The following FIGNL2 variants were observed in gnomAD, a reference collection of about 807,000 sequenced individuals.
FIGNL2 encodes the protein fidgetin like 2.
For missense variants in FIGNL2, 1,060 were observed against 950.2 expected (o/e 1.12, Z -1.52); for synonymous variants, 565 against 484.0 (o/e 1.17, Z -2.20).
At chr12:51,826,850 C>G (rs1196905078) in intron 1 of FIGNL2, among the ~76,000 whole-genome samples, 1 of 152,174 alleles carries the variant, frequency 6.6e-6, no homozygotes, top group Admixed American at 6.5e-5. Flanking sequence ...CACACAGGCC[C>G]AGAACGATGT....
chr12:51,846,153 T>C (rs1161274912), intron 1 of FIGNL2, among the ~76,000 whole-genome samples: 1 of 152,168 alleles, frequency 6.6e-6, no homozygotes, highest in Non-Finnish European at 1.5e-5. Flanking sequence ...TCAAGCCCTG[T>C]GGCAAGCCCA....
chr12:51,821,745 T>C lies in FIGNL2; in HGVS notation c.669A>G (p.Pro223=). 1.5e-6 allele frequency: 1 copy of C among 685,106 alleles called. No individual in the cohort carries two copies. Among genetic ancestry groups the C allele is most frequent in the Non-Finnish European group, 1.9e-6 (1 of 528,122 alleles). 42.4% of individuals were successfully genotyped at this position (685,106 alleles called of 1,614,324 possible). A position where few individuals can be genotyped will look rare whatever the true frequency, so the allele number is the denominator to read the frequency against. The change falls in exon 2 of 2, where the codon CCA becomes CCG. Residue 223 remains proline, a synonymous_variant. Coordinates refer to ENST00000618634, the MANE Select transcript of FIGNL2 (RefSeq NM_001384995.1). ...TCAGGTAGGGGGCCGGGGGTGGGCC[T>C]GGGGGCGGCGGGAGCGCGCCATAGC... ...QPGYGALPPP[P]GPPPAPYLTP... is the part of the protein sequence containing the mutation.
intron 1 of FIGNL2, among the ~76,000 whole-genome samples, chr12:51,825,442 G>A (rs975577028): frequency 2.5e-4 from 38 of 152,036 alleles, no homozygotes; most frequent in African/African-American, 8.5e-4. Context: ...ACCCGCCAAC[G>A]AAGATCCTCT....
chr12:51,820,595 C>T lies in FIGNL2; in HGVS notation c.1819G>A (p.Ala607Thr). 2 of 1,525,578 alleles carry T rather than the reference C, an allele frequency of 1.3e-6. No homozygotes were observed. Among genetic ancestry groups the T allele is most frequent in the Non-Finnish European group, 8.7e-7 (1 of 1,143,006 alleles). The allele number at this position is 1,525,578 out of a possible 1,614,324, so 94.5% of individuals were successfully genotyped here. A position where few individuals can be genotyped will look rare whatever the true frequency, so the allele number is the denominator to read the frequency against. Residue 607 changes from alanine (A) to threonine (T), a missense_variant, in exon 2 of 2, where the codon GCC becomes ACC. Physicochemically the swap from Ala to Thr is moderately conservative, Grantham distance 58. Coordinates refer to ENST00000618634, the MANE Select transcript of FIGNL2 (RefSeq NM_001384995.1). ...TGCAGCCCCGGGAGGCCCGCCCCGG[C>T]CGCCGCCTGCTGGCACAGCTGCCCC... ...ELGQLCQQAA[A>T]GAGLPGLQRP... is the part of the protein sequence containing the mutation.
In FIGNL2 at chr12:51,821,145, G is replaced by T; in HGVS notation, c.1269C>A (p.Arg423=). 2 of 1,467,094 alleles carry T rather than the reference G, an allele frequency of 1.4e-6. No homozygotes were observed. The highest frequency in any genetic ancestry group is 2.6e-5 in the South Asian group (2 of 75,738). The allele number at this position is 1,467,094 out of a possible 1,614,324, so 90.9% of individuals were successfully genotyped here. Residue 423 remains arginine (R), a synonymous_variant, in exon 2 of 2, where the codon CGC becomes CGA. Transcript: ENST00000618634. ...LRPPAYPGSL[R]PPRTVLLFGP... is the part of the protein sequence containing the mutation. ...CAAAGAGCAGGACGGTCCGCGGCGG[G>T]CGCAGGCTGCCCGGGTAGGCGGGCG...
At position 51,820,414 on chromosome 12, in the gene FIGNL2, G is replaced by C. The variant is rs1411557982; in HGVS notation, c.*38C>G. On this transcript the variant is annotated 3_prime_UTR_variant, in exon 2 of 2. Coordinates refer to ENST00000618634, the MANE Select transcript of FIGNL2 (RefSeq NM_001384995.1). ...CCTCCCACGCGGAGGCGGCGGGGAC[G>C]GAGGGACTGCGGCTCCCGCGGCCTC... 10 of 1,561,480 alleles carry C rather than the reference G, an allele frequency of 6.4e-6. No homozygotes were observed. Among genetic ancestry groups the C allele is most frequent in the East Asian group, 2.3e-5 (1 of 42,778 alleles).
chr12:51,825,989 C>T (rs1335428428), intron 1 of FIGNL2: 4 of 152,188 alleles, frequency 2.6e-5, no homozygotes, highest in Admixed American at 1.3e-4. Flanking sequence ...CCCTTCCACT[C>T]CAGGTAAATT....
At chr12:51,837,462 G>A (rs966779322) in intron 1 of FIGNL2, among the ~76,000 whole-genome samples, 1 of 152,142 alleles carries the variant, frequency 6.6e-6, no homozygotes, top group Admixed American at 6.5e-5. Flanking sequence ...GGGATGGGCT[G>A]GGGGGCTGCC....
intron 1 of FIGNL2, among the ~76,000 whole-genome samples, chr12:51,836,909 C>T (rs546355365): frequency 7.2e-5 from 11 of 152,218 alleles, no homozygotes; most frequent in East Asian, 5.8e-4. Flanking sequence ...TGGGTGGGTG[C>T]GCAGACACAC....
chr12:51,846,545 G>C (rs1057136639), intron 1 of FIGNL2, among the ~76,000 whole-genome samples: 9 of 152,218 alleles, frequency 5.9e-5, no homozygotes, highest in African/African-American at 2.2e-4. Context: ...AAAGGGCTCT[G>C]CGACGCCACA....
chr12:51,845,774 TTGG>T (rs1218626981), intron 1 of FIGNL2: 1 of 38,346 alleles, frequency 2.6e-5, no homozygotes, highest in Non-Finnish European at 4.2e-5. Flanking sequence ...CAGTCGGAGC[TTGG>T]GGGGAGAGTC....
At position 51,821,350 on chromosome 12, in the gene FIGNL2, G is replaced by T; in HGVS notation, c.1064C>A (p.Pro355His). 6.7e-7 allele frequency: 1 copy of T among 1,501,846 alleles called. No individual in the cohort carries two copies. Among genetic ancestry groups the T allele is most frequent in the Non-Finnish European group, 8.9e-7 (1 of 1,129,498 alleles). The allele number at this position is 1,501,846 out of a possible 1,614,324, so 93.0% of individuals were successfully genotyped here. A position where few individuals can be genotyped will look rare whatever the true frequency, so the allele number is the denominator to read the frequency against. The stretch of plus-strand genomic sequence containing the variant: ...CGACGGCACGGCGAACCCCCCACGA[G>T]GAGCCGGGGCCCGCTCCGGGAACTT... ...FEKFPERAPAPRGGFAVPSGE... is the reference protein window; with the variant it reads ...FEKFPERAPAHRGGFAVPSGE... The change falls in exon 2 of 2, where the codon CCT becomes CAT. Residue 355 changes from proline (P) to histidine (H), a missense_variant. By Grantham distance (77) the Pro-to-His change is moderately conservative. Coordinates refer to ENST00000618634, the MANE Select transcript of FIGNL2 (RefSeq NM_001384995.1).
chr12:51,821,922 C>G lies in FIGNL2; in HGVS notation c.492G>C (p.Gly164=). 6.7e-7 allele frequency: 1 copy of G among 1,500,820 alleles called. No homozygotes were observed. Among genetic ancestry groups the G allele is most frequent in the African/African-American group, 1.4e-5 (1 of 69,228 alleles). 93.0% of individuals were successfully genotyped at this position (1,500,820 alleles called of 1,614,324 possible). Residue 164 remains glycine, a synonymous_variant, in exon 2 of 2, where the codon GGG becomes GGC. Transcript: ENST00000618634. ...AAPEYAAGYG[G]GYLAPGYCAQ... is the part of the protein sequence containing the mutation. ...CGCAGTAACCCGGCGCCAGGTACCCCCCGCCGTAGCCGGCCGCGTACTCGG... is the reference window on the plus strand; with the variant it reads ...CGCAGTAACCCGGCGCCAGGTACCCGCCGCCGTAGCCGGCCGCGTACTCGG...
At chr12:51,839,374 C>T (rs561691402) in intron 1 of FIGNL2, among the ~76,000 whole-genome samples, 2 of 152,328 alleles carry the variant, frequency 1.3e-5, no homozygotes, top group East Asian at 1.9e-4. Context: ...AGCCTCCACT[C>T]ATCTAGCTGG....
chr12:51,833,733 G>A (rs1445649094), intron 1 of FIGNL2, among the ~76,000 whole-genome samples: 1 of 152,194 alleles, frequency 6.6e-6, no homozygotes, highest in Non-Finnish European at 1.5e-5. Context: ...GGCAGACACT[G>A]TCCCCTTCAA....
chr12:51,825,616 ACT>A (rs1477567235), intron 1 of FIGNL2, among the ~76,000 whole-genome samples: 4 of 116,196 alleles, frequency 3.4e-5, no homozygotes, highest in Admixed American at 1.9e-4. Flanking sequence ...TGTCCATGAC[ACT>A]CTTTTTTTTT....
Position 51,821,814 on chromosome 12 carries a change from C to T in FIGNL2, c.600G>A (p.Ala200=). 4 of 1,273,798 alleles carry T rather than the reference C, an allele frequency of 3.1e-6. No homozygotes were observed. Among genetic ancestry groups the T allele is most frequent in the Non-Finnish European group, 3.9e-6 (4 of 1,014,772 alleles). 78.9% of individuals were successfully genotyped at this position (1,273,798 alleles called of 1,614,324 possible). Reference sequence around the variant, plus strand: ...CCCCTGCGGGATAGTTGTACAGCGGCGCTGAGGGCCCGTACCCCGGAGGCG... The same window carrying T: ...CCCCTGCGGGATAGTTGTACAGCGGTGCTGAGGGCCCGTACCCCGGAGGCG... ...PPPPPGYGPS[A]PLYNYPAGGY... is the part of the protein sequence containing the mutation. Residue 200 remains alanine, a synonymous_variant, in exon 2 of 2, where the codon GCG becomes GCA. Transcript: ENST00000618634.
Position 51,821,804 on chromosome 12 carries a change from T to G in FIGNL2, c.610A>C (p.Asn204His), listed in dbSNP as rs1939209438. 2 of 1,273,410 alleles carry G rather than the reference T, an allele frequency of 1.6e-6. No individual in the cohort carries two copies. The highest frequency in any genetic ancestry group is 6.6e-5 in the East Asian group (2 of 30,506). The allele number at this position is 1,273,410 out of a possible 1,614,324, so 78.9% of individuals were successfully genotyped here. ...PGYGPSAPLYNYPAGGYAAQP... is the reference protein window; with the variant it reads ...PGYGPSAPLYHYPAGGYAAQP... ...GCTGCGTAGCCCCCTGCGGGATAGT[T>G]GTACAGCGGCGCTGAGGGCCCGTAC... The change falls in exon 2 of 2, where the codon AAC becomes CAC. Residue 204 changes from asparagine to histidine, a missense_variant. Transcript: ENST00000618634.
chr12:51,819,465 G>A lies in FIGNL2; in HGVS notation c.*987C>T, dbSNP rs1198026740. ...CAGGAATAGCTGGGGTTTCACTGAG[G>A]CCTCTGGGTCTTCCTCTCCCCTTCC... On this transcript the variant is annotated 3_prime_UTR_variant, in exon 2 of 2. Coordinates refer to ENST00000618634, the MANE Select transcript of FIGNL2 (RefSeq NM_001384995.1). 2.6e-5 allele frequency: 4 copies of A among 152,668 alleles called. No individual in the cohort carries two copies. The East Asian group carries it at 7.7e-4, about 29-fold the overall frequency. 9.5% of individuals were successfully genotyped at this position (152,668 alleles called of 1,614,324 possible). A position where few individuals can be genotyped will look rare whatever the true frequency, so the allele number is the denominator to read the frequency against.
Sources: gnomAD v4.1 joint callset for allele counts (sites outside exome capture counted in the v4.1 genomes callset) on GRCh38, gnomAD v4.1.1 for gene constraint, MANE v1.5 for transcripts, NCBI Gene and HGNC (gene_info 2026-07-23, HGNC 2026-07-21) for gene names.